PRKCB: variants seen among roughly 807,000 people sequenced by gnomAD.
PRKCB encodes the protein protein kinase C beta type.
Under a neutral mutation model 81.5 loss-of-function variants are expected in PRKCB, and 13 were observed. The observed-to-expected ratio is 0.16, with a 90% CI of 0.10 to 0.25. The LOEUF (loss-of-function observed/expected upper bound fraction) is 0.25, where lower values mean the gene tolerates loss of function less well. PRKCB is among the 10% of genes least tolerant of loss of function. The pLI is 1.00. For synonymous variants in PRKCB, 335 were observed against 321.4 expected (o/e 1.04, Z -0.45); for missense variants, 509 against 875.7 (o/e 0.58, Z 5.29).
At chr16:24,124,973 A>G (rs1478904061) in intron 9 of PRKCB, among the ~76,000 whole-genome samples, 2 of 152,210 alleles carry the variant, frequency 1.3e-5, no homozygotes, top group Non-Finnish European at 2.9e-5. Context: ...TCTAATCATT[A>G]ATATCACCTG....
rs71381624 is a variant in PRKCB at position 23,875,480 on chromosome 16, GAT to G, written c.205+38099_205+38100del. ...AGACATGTTTTGCTTCAACTAAAAAGATATATATATATATATATATATATATG... is the reference window on the plus strand; with the variant it reads ...AGACATGTTTTGCTTCAACTAAAAAGATATATATATATATATATATATATG... On this transcript the variant is annotated intron_variant, in intron 2 of 16. Transcript: ENST00000643927. Among the ~76,000 whole-genome samples, 19 of 4,634 alleles carry G rather than the reference GAT, an allele frequency of 4.1e-3. 2 individuals are homozygous for G. Among genetic ancestry groups the G allele is most frequent in the Non-Finnish European group, 6.7e-3 (13 of 1,936 alleles). 3.0% of individuals were successfully genotyped at this position (4,634 alleles called of 152,430 possible). A position where few individuals can be genotyped will look rare whatever the true frequency, so the allele number is the denominator to read the frequency against.
chr16:23,946,121 G>A (rs1964201681), intron 2 of PRKCB, among the ~76,000 whole-genome samples: 1 of 152,176 alleles, frequency 6.6e-6, no homozygotes, highest in Non-Finnish European at 1.5e-5. Flanking sequence ...TTCTGTTATT[G>A]TACAGCAAAT....
At chr16:24,181,042 A>G (rs1203640603) in intron 13 of PRKCB, 114 bp downstream of exon 13, 1 of 1,329,620 alleles carries the variant, frequency 7.5e-7, no homozygotes, top group East Asian at 2.4e-5. Flanking sequence ...AACCTCGGAC[A>G]GATTCTTATT....
At chr16:24,013,525 G>A (rs925021299) in intron 3 of PRKCB, among the ~76,000 whole-genome samples, 2 of 152,186 alleles carry the variant, frequency 1.3e-5, no homozygotes, top group Admixed American at 6.5e-5. Flanking sequence ...GATCAAATTA[G>A]TTCATAATAT....
chr16:23,975,128 G>A (rs1964608483), intron 2 of PRKCB, among the ~76,000 whole-genome samples: 1 of 152,194 alleles, frequency 6.6e-6, no homozygotes, highest in South Asian at 2.1e-4. Flanking sequence ...AGTCTCCATG[G>A]TCCTGTGTAT....
intron 16 of PRKCB, among the ~76,000 whole-genome samples, chr16:24,193,069 C>T (rs1042845734): frequency 4.8e-4 from 73 of 152,232 alleles, no homozygotes; most frequent in African/African-American, 1.7e-3. Context: ...ATGCGATGCT[C>T]TCACCTCAGC....
intron 5 of PRKCB, among the ~76,000 whole-genome samples, chr16:24,078,209 C>T (rs1338688506): frequency 2.0e-5 from 3 of 152,180 alleles, no homozygotes; most frequent in African/African-American, 7.2e-5. Flanking sequence ...AAAGCAGCAC[C>T]CAGAGCCATG....
intron 2 of PRKCB, among the ~76,000 whole-genome samples, chr16:23,876,394 C>T (rs1209770523): frequency 6.6e-6 from 1 of 152,186 alleles, no homozygotes; most frequent in Non-Finnish European, 1.5e-5. Flanking sequence ...TCACAGGCAA[C>T]ATTGAGGAAT....
chr16:24,079,129 C>T (rs1034900167), intron 5 of PRKCB, among the ~76,000 whole-genome samples: 8 of 152,178 alleles, frequency 5.3e-5, no homozygotes, highest in Admixed American at 2.6e-4. Context: ...CTAACTGATA[C>T]GATATATTCT....
chr16:23,945,675 G>C (rs888341162), intron 2 of PRKCB, among the ~76,000 whole-genome samples: 1 of 152,066 alleles, frequency 6.6e-6, no homozygotes, highest in African/African-American at 2.4e-5. Flanking sequence ...GGGAGGGAGA[G>C]AATCAGCAAT....
intron 5 of PRKCB, among the ~76,000 whole-genome samples, chr16:24,065,838 A>G (rs1456813283): frequency 1.3e-5 from 2 of 152,186 alleles, no homozygotes; most frequent in South Asian, 4.1e-4. Context: ...GTGAGATCCC[A>G]TCTCTGGGGA....
chr16:24,032,103 G>A (rs562786664), intron 3 of PRKCB, 33 bp from the exon 4 acceptor site: 8 of 1,488,056 alleles, frequency 5.4e-6, no homozygotes, highest in South Asian at 3.4e-5. Context: ...CTCCACTGAC[G>A]CTGGCTCCTT....
In PRKCB at chr16:23,923,593, A is replaced by G. The variant is rs1218386226; in HGVS notation, c.206-64915A>G. On this transcript the variant is annotated intron_variant, in intron 2 of 16. Coordinates refer to ENST00000643927, the MANE Select transcript of PRKCB (RefSeq NM_002738.7). ...TGGTATTGTTATTAAAATAAGGTTA[A>G]TTGAATACTCACTGAACCATCTAAT... is the stretch of plus-strand genomic sequence containing the variant. Among the ~76,000 whole-genome samples, 3 of 152,092 alleles carry G rather than the reference A, an allele frequency of 2.0e-5. 1 individual carries two copies. Among genetic ancestry groups the G allele is most frequent in the Non-Finnish European group, 4.4e-5 (3 of 67,982 alleles).
rs1285468791 is a variant in PRKCB, at chr16:24,220,330, T to G, written c.*5514T>G. 8.6e-6 allele frequency: 4 copies of G among 464,640 alleles called. No individual in the cohort carries two copies. The allele number at this position is 464,640 out of a possible 1,614,324, so 28.8% of individuals were successfully genotyped here. A position where few individuals can be genotyped will look rare whatever the true frequency, so the allele number is the denominator to read the frequency against. On this transcript the variant is annotated 3_prime_UTR_variant, in exon 17 of 17. Transcript: ENST00000643927. Reference sequence around the variant, plus strand: ...TAAGCGCATTATCCAATTATAGAGGTACAATTTTCCAAACTTCCAGAAACT... The same window carrying G: ...TAAGCGCATTATCCAATTATAGAGGGACAATTTTCCAAACTTCCAGAAACT...
intron 2 of PRKCB, among the ~76,000 whole-genome samples, chr16:23,865,984 G>C (rs1360958643): frequency 6.6e-6 from 1 of 152,012 alleles, no homozygotes; most frequent in African/African-American, 2.4e-5. Flanking sequence ...GGATCCTGTG[G>C]GATTCTATCC....
At chr16:24,061,909 AT>A (rs1426150294) in intron 5 of PRKCB, among the ~76,000 whole-genome samples, 2,941 of 122,226 alleles carry the variant, frequency 0.024, 27 homozygotes, top group Non-Finnish European at 0.037. Flanking sequence ...CCTTAAATAA[AT>A]AAAAAAAAAA....
At chr16:24,071,950 T>C (rs1165292187) in intron 5 of PRKCB, among the ~76,000 whole-genome samples, 2 of 152,020 alleles carry the variant, frequency 1.3e-5, no homozygotes, top group African/African-American at 4.8e-5. Flanking sequence ...TCAGCAAGGA[T>C]GTTATTATTA....
intron 10 of PRKCB, among the ~76,000 whole-genome samples, chr16:24,169,489 T>C (rs997772350): frequency 6.6e-6 from 1 of 152,154 alleles, no homozygotes; most frequent in Non-Finnish European, 1.5e-5. Context: ...GTCCCCCTTC[T>C]TCTTTCTTCT....
rs530098211 is a variant in PRKCB at position 24,094,494 on chromosome 16, C to T, written c.821+197C>T. Among the ~76,000 whole-genome samples, 3 of 152,312 alleles carry T rather than the reference C, an allele frequency of 2.0e-5. No homozygotes were observed. In the East Asian group the frequency reaches 5.8e-4, roughly 29 times the overall value. ...AACAAAAAAGAAAGAGGCCAGGCCTCGTGTCTGACACCTGTCATCCCAGCA... is the reference window on the plus strand; with the variant it reads ...AACAAAAAAGAAAGAGGCCAGGCCTTGTGTCTGACACCTGTCATCCCAGCA... On this transcript the variant is annotated intron_variant, in intron 7 of 16. Coordinates refer to ENST00000643927, the MANE Select transcript of PRKCB (RefSeq NM_002738.7).
Sources: gnomAD v4.1 joint callset for allele counts (sites outside exome capture counted in the v4.1 genomes callset) on GRCh38, gnomAD v4.1.1 for gene constraint, MANE v1.5 for transcripts, NCBI Gene and HGNC (gene_info 2026-07-23, HGNC 2026-07-21) for gene names.